TIMP2: variants seen among roughly 807,000 people sequenced by gnomAD.
TIMP2 encodes metalloproteinase inhibitor 2.
TIMP2 carries 5 observed loss-of-function variants against 24.3 expected under a neutral mutation model. That is an observed-to-expected ratio of 0.21 (90% CI 0.11 to 0.43). The LOEUF (loss-of-function observed/expected upper bound fraction) is 0.43. Ranked by LOEUF, TIMP2 falls within the 20% of genes least tolerant of loss-of-function variation. The pLI is 1.00. For synonymous variants in TIMP2, 130 were observed against 123.2 expected (o/e 1.06, Z -0.37); for missense variants, 221 against 297.5 (o/e 0.74, Z 1.89).
chr17:78,864,969 G>A (rs941668526), intron 3 of TIMP2, among the ~76,000 whole-genome samples: 5 of 151,992 alleles, frequency 3.3e-5, no homozygotes, highest in Admixed American at 1.3e-4. Context: ...CAGGAAAATT[G>A]CTTGAACCTG....
chr17:78,893,895 G>A (rs2069958222), intron 1 of TIMP2, among the ~76,000 whole-genome samples: 1 of 152,150 alleles, frequency 6.6e-6, no homozygotes, highest in East Asian at 1.9e-4. Context: ...CTGTTGCCAC[G>A]GGTAGCTGAT....
chr17:78,923,327 C>A (rs548640093), intron 1 of TIMP2, among the ~76,000 whole-genome samples: 1 of 147,044 alleles, frequency 6.8e-6, no homozygotes, highest in Non-Finnish European at 1.5e-5. Flanking sequence ...TTAACTTATG[C>A]CAAGCAAGGA....
rs7503607 is a variant in TIMP2, at chr17:78,925,357, G to T, written c.-269C>A. 0.018 allele frequency: 2,775 copies of T among 152,052 alleles called. 113 individuals carry two copies. Among genetic ancestry groups the T allele is most frequent in the East Asian group, 0.16 (843 of 5,110 alleles). 9.4% of individuals were successfully genotyped at this position (152,052 alleles called of 1,614,324 possible). On this transcript the variant is annotated 5_prime_UTR_variant, in exon 1 of 5. Coordinates refer to ENST00000262768, the MANE Select transcript of TIMP2 (RefSeq NM_003255.5). ...GGCGAGCGGCGCTGCGGTTCTCGGC[G>T]GCCGCGCTGCCTTCTACGGATGTGT...
Position 78,891,514 on chromosome 17 carries a change from C to G in TIMP2, c.131-17595G>C. 1.3e-6 allele frequency: 2 copies of G among 1,551,188 alleles called. No homozygotes were observed. The highest frequency in any genetic ancestry group is 2.0e-5 in the Admixed American group (1 of 51,006). ...TCTGCCACTTGTTCTTCTCCCGGAG[C>G]GTGCACTGAGATGCTGGGGACACGG... is the stretch of plus-strand genomic sequence containing the variant. On this transcript the variant is annotated intron_variant, in intron 1 of 4. Transcript: ENST00000262768. The surrounding 1 kb of genome is among the most constrained non-coding windows in gnomAD (Gnocchi z 4.5).
chr17:78,860,480 G>A (rs1353204373), intron 3 of TIMP2, among the ~76,000 whole-genome samples: 1 of 152,210 alleles, frequency 6.6e-6, no homozygotes, highest in African/African-American at 2.4e-5. Flanking sequence ...ATGGAAATGT[G>A]GATGGCTTGC....
chr17:78,875,982 C>A (rs2069724659), intron 1 of TIMP2, among the ~76,000 whole-genome samples: 1 of 152,186 alleles, frequency 6.6e-6, no homozygotes, highest in Admixed American at 6.5e-5. Flanking sequence ...GCCACAGGTT[C>A]CTGTTTCCCA....
intron 3 of TIMP2, among the ~76,000 whole-genome samples, chr17:78,864,307 TC>T (rs2069590647): frequency 6.6e-6 from 1 of 151,198 alleles, no homozygotes; most frequent in Non-Finnish European, 1.5e-5. Context: ...CCTGCCTCTC[TC>T]CCTCTCTCCC....
At chr17:78,874,744 A>ATGTTT in intron 1 of TIMP2, among the ~76,000 whole-genome samples, 1 of 138,176 alleles carries the variant, frequency 7.2e-6, no homozygotes, top group East Asian at 2.1e-4. Context: ...CGCCCGGTTA[A>ATGTTT]TTTTTTTTTT....
In TIMP2 at chr17:78,891,423, A is replaced by T. The variant is rs1471186744; in HGVS notation, c.131-17504T>A. Reference sequence around the variant, plus strand: ...ATCCTGGGCTTCAGTGCCAGGTACAAGCACAGGTGTTTTTTCAGCTTTCTG... The same window carrying T: ...ATCCTGGGCTTCAGTGCCAGGTACATGCACAGGTGTTTTTTCAGCTTTCTG... On this transcript the variant is annotated intron_variant, in intron 1 of 4. Coordinates refer to ENST00000262768, the MANE Select transcript of TIMP2 (RefSeq NM_003255.5). The surrounding 1 kb of genome is among the most constrained non-coding windows in gnomAD (Gnocchi z 4.5). 1.9e-6 allele frequency: 3 copies of T among 1,550,712 alleles called. No individual in the cohort carries two copies. The African/African-American group carries it at 4.1e-5, about 21-fold the overall frequency.
intron 3 of TIMP2, among the ~76,000 whole-genome samples, chr17:78,863,442 C>G (rs2069583476): frequency 6.6e-6 from 1 of 152,272 alleles, no homozygotes; most frequent in Middle Eastern, 3.4e-3. Flanking sequence ...CGGGATTTCA[C>G]TGTGTTAGCC....
In TIMP2 at chr17:78,855,663, C is replaced by T. The variant is rs2145743065; in HGVS notation, c.*4G>A. 6.2e-7 allele frequency: 1 copy of T among 1,613,228 alleles called. No individual in the cohort carries two copies. The highest frequency in any genetic ancestry group is 2.2e-5 in the East Asian group (1 of 44,852). On this transcript the variant is annotated 3_prime_UTR_variant, in exon 5 of 5. Transcript: ENST00000262768. The surrounding 1 kb of genome is among the most constrained non-coding windows in gnomAD (Gnocchi z 6.0). ...AGTTGGCCACAGGGGCGTTGGAGGC[C>T]TGCTTATGGGTCCTCGATGTCGAGA...
chr17:78,895,123 A>G (rs1027597362), intron 1 of TIMP2, among the ~76,000 whole-genome samples: 9 of 152,100 alleles, frequency 5.9e-5, no homozygotes, highest in Admixed American at 2.0e-4. Flanking sequence ...TCTACTAAAA[A>G]TACAAAAATT....
intron 1 of TIMP2, among the ~76,000 whole-genome samples, chr17:78,912,364 G>C (rs1189708347): frequency 6.6e-6 from 1 of 152,160 alleles, no homozygotes; most frequent in Non-Finnish European, 1.5e-5. Context: ...TGCCACGTCT[G>C]TGTCAGGAAA....
At position 78,855,422 on chromosome 17, in the gene TIMP2, G is replaced by C. The variant is rs2069517294; in HGVS notation, c.*245C>G. On this transcript the variant is annotated 3_prime_UTR_variant, in exon 5 of 5. Coordinates refer to ENST00000262768, the MANE Select transcript of TIMP2 (RefSeq NM_003255.5). The surrounding 1 kb of genome is among the most constrained non-coding windows in gnomAD (Gnocchi z 6.0). ...GTGTCCCAGCCCTGCCTGCACCCAAGGATCGAAGCCCCAGACACATAGTGC... is the reference window on the plus strand; with the variant it reads ...GTGTCCCAGCCCTGCCTGCACCCAACGATCGAAGCCCCAGACACATAGTGC... The C allele has an allele frequency of 1.8e-6, 1 of 546,146 alleles. No homozygotes were observed. The highest frequency in any genetic ancestry group is 1.9e-5 in the African/African-American group (1 of 53,010). 33.8% of individuals were successfully genotyped at this position (546,146 alleles called of 1,614,324 possible).
chr17:78,896,991 C>G lies in TIMP2; in HGVS notation c.131-23072G>C, dbSNP rs563449571. ...GCTTGAGAATGACGTCCAAGCAGCT[C>G]GCCTTTCCCTGGGCGGCCGCTCAGA... is the stretch of plus-strand genomic sequence containing the variant. On this transcript the variant is annotated intron_variant, in intron 1 of 4. Coordinates refer to ENST00000262768, the MANE Select transcript of TIMP2 (RefSeq NM_003255.5). This position sits in a 1 kb window ranked among gnomAD's most constrained non-coding sequence, Gnocchi z 4.4. 8 of 985,386 alleles carry G rather than the reference C, an allele frequency of 8.1e-6. No individual in the cohort carries two copies. The highest frequency in any genetic ancestry group is 8.4e-6 in the Non-Finnish European group (7 of 829,910). 61.0% of individuals were successfully genotyped at this position (985,386 alleles called of 1,614,324 possible).
At chr17:78,905,112 C>T (rs984085140) in intron 1 of TIMP2, 1 of 151,286 alleles carries the variant, frequency 6.6e-6, no homozygotes, top group Non-Finnish European at 1.5e-5. Flanking sequence ...TGAACTCCAA[C>T]CTGAGCAACA....
chr17:78,892,134 G>A (rs1189745755), intron 1 of TIMP2: 5 of 1,550,794 alleles, frequency 3.2e-6, no homozygotes, highest in Non-Finnish European at 2.6e-6. Flanking sequence ...CCGACGTGCA[G>A]GTGCTGTGCC....
At chr17:78,883,224 C>T (rs1194268534) in intron 1 of TIMP2, among the ~76,000 whole-genome samples, 1 of 152,200 alleles carries the variant, frequency 6.6e-6, no homozygotes, top group Non-Finnish European at 1.5e-5. Context: ...GCACACTGGA[C>T]ATCCGTCCCC....
At chr17:78,882,745 G>A (rs528762392) in intron 1 of TIMP2, among the ~76,000 whole-genome samples, 74 of 152,372 alleles carry the variant, frequency 4.9e-4, no homozygotes, top group South Asian at 2.3e-3. Flanking sequence ...TAGGTTTGGA[G>A]GCCACGCCTC....
Sources: gnomAD v4.1 joint callset for allele counts (sites outside exome capture counted in the v4.1 genomes callset) on GRCh38, gnomAD v4.1.1 for gene constraint, Gnocchi (gnomAD v3.1) non-coding constraint, MANE v1.5 for transcripts, NCBI Gene and HGNC (gene_info 2026-07-23, HGNC 2026-07-21) for gene names.